RELN: variants seen among roughly 807,000 people sequenced by gnomAD.
RELN encodes reelin.
Under a neutral mutation model 427.6 loss-of-function variants are expected in RELN, and 108 were observed. The observed-to-expected ratio is 0.25, with a 90% CI of 0.22 to 0.30. The LOEUF (loss-of-function observed/expected upper bound fraction) is 0.30. Ranked by LOEUF, RELN falls within the 10% of genes least tolerant of loss-of-function variation. RELN has a pLI of 1.00. For missense variants in RELN, 3,715 were observed against 4,302.8 expected (o/e 0.86, Z 3.82); for synonymous variants, 1,524 against 1,513.4 (o/e 1.01, Z -0.16).
intron 2 of RELN, among the ~76,000 whole-genome samples, chr7:103,888,331 AG>A (rs1197505262): frequency 6.6e-6 from 1 of 152,066 alleles, no homozygotes; most frequent in Non-Finnish European, 1.5e-5. Context: ...AGGAATCACA[AG>A]AAACTGCTCT....
At chr7:103,611,947 A>G (rs1831969611) in intron 20 of RELN, 144 bp from the exon 21 acceptor site, 1 of 695,646 alleles carries the variant, frequency 1.4e-6, no homozygotes. Context: ...ATTTCGGTCA[A>G]TCTAATAAAT....
intron 3 of RELN, among the ~76,000 whole-genome samples, chr7:103,811,198 C>T (rs1792734773): frequency 6.6e-6 from 1 of 152,176 alleles, no homozygotes; most frequent in Non-Finnish European, 1.5e-5. Context: ...CTCAGTGTTA[C>T]TTTCTAAAAC....
intron 3 of RELN, among the ~76,000 whole-genome samples, chr7:103,795,337 G>C (rs1432174048): frequency 6.6e-6 from 1 of 152,156 alleles, no homozygotes; most frequent in Admixed American, 6.5e-5. Context: ...ACAGCCCTTA[G>C]GCTTGGGCAA....
chr7:103,967,514 AGCT>A (rs1378487649), intron 1 of RELN, among the ~76,000 whole-genome samples: 3 of 152,158 alleles, frequency 2.0e-5, no homozygotes, highest in African/African-American at 7.2e-5. Context: ...GGTTCCAGGC[AGCT>A]TCCCAGCTTG....
intron 8 of RELN, among the ~76,000 whole-genome samples, chr7:103,706,561 A>C (rs1252631221): frequency 6.6e-6 from 1 of 152,196 alleles, no homozygotes; most frequent in African/African-American, 2.4e-5. Flanking sequence ...TACAGAATGG[A>C]GTAGATATAA....
chr7:103,766,763 G>C (rs1423159655), intron 4 of RELN, among the ~76,000 whole-genome samples: 1 of 152,218 alleles, frequency 6.6e-6, no homozygotes, highest in Non-Finnish European at 1.5e-5. Flanking sequence ...CACAGCCACA[G>C]TTTCTACCAC....
intron 5 of RELN, among the ~76,000 whole-genome samples, chr7:103,752,951 T>G (rs143105342): frequency 6.6e-6 from 1 of 152,110 alleles, no homozygotes; most frequent in Non-Finnish European, 1.5e-5. Flanking sequence ...GGGCTGAGGG[T>G]ACTAACAGGT....
intron 58 of RELN, among the ~76,000 whole-genome samples, 155 bp from the exon 59 acceptor site, chr7:103,490,984 T>C (rs545971390): frequency 8.5e-4 from 130 of 152,358 alleles, no homozygotes; most frequent in South Asian, 3.9e-3. Flanking sequence ...TATAAAAAAA[T>C]TAAAATATTT....
At chr7:103,683,492 C>T (rs532838178) in intron 10 of RELN, among the ~76,000 whole-genome samples, 114 of 152,026 alleles carry the variant, frequency 7.5e-4, no homozygotes, top group African/African-American at 2.6e-3. Flanking sequence ...AATGACAGAC[C>T]GCATATACAA....
chr7:103,900,727 A>C (rs1029315869), intron 2 of RELN, among the ~76,000 whole-genome samples: 1 of 152,128 alleles, frequency 6.6e-6, no homozygotes, highest in Non-Finnish European at 1.5e-5. Context: ...ACCTGACACA[A>C]ACAAGCAATG....
chr7:103,515,869 G>A (rs764075166), intron 49 of RELN, among the ~76,000 whole-genome samples: 1 of 152,154 alleles, frequency 6.6e-6, no homozygotes, highest in African/African-American at 2.4e-5. Context: ...CATGAGTGCT[G>A]GCAAGTGACT....
intron 16 of RELN, among the ~76,000 whole-genome samples, chr7:103,646,221 A>G (rs775351906): frequency 2.6e-5 from 4 of 151,818 alleles, no homozygotes; most frequent in Non-Finnish European, 4.4e-5. Flanking sequence ...AACTAGAAAA[A>G]CAAGAATGAA....
Position 103,472,712 on chromosome 7 carries a change from C to T in RELN, c.*100G>A. 1 of 966,710 alleles carries T rather than the reference C, an allele frequency of 1.0e-6. No homozygotes were observed. Among genetic ancestry groups the T allele is most frequent in the South Asian group, 1.4e-5 (1 of 73,488 alleles). 59.9% of individuals were successfully genotyped at this position (966,710 alleles called of 1,614,324 possible). The stretch of plus-strand genomic sequence containing the variant: ...AGGGCTTTCAGGTAATCACCAAGTC[C>T]TTCACAGATATTTCCTGATATCAGA... On this transcript the variant is annotated 3_prime_UTR_variant, in exon 65 of 65. Transcript: ENST00000428762.
intron 5 of RELN, among the ~76,000 whole-genome samples, chr7:103,751,562 G>C (rs577922967): frequency 1.3e-5 from 2 of 152,336 alleles, no homozygotes; most frequent in South Asian, 4.2e-4. Flanking sequence ...CTGTGCATGG[G>C]AGTGATTTAA....
intron 6 of RELN, among the ~76,000 whole-genome samples, chr7:103,742,991 A>G (rs1285977533): frequency 6.6e-6 from 1 of 150,806 alleles, no homozygotes; most frequent in Non-Finnish European, 1.5e-5. Flanking sequence ...TAAAGGAAAA[A>G]ATGTTAAGGG....
intron 2 of RELN, among the ~76,000 whole-genome samples, chr7:103,852,081 T>C (rs933543989): frequency 6.6e-6 from 1 of 152,200 alleles, no homozygotes; most frequent in Non-Finnish European, 1.5e-5. Flanking sequence ...GGAACTTACC[T>C]GATTAATACA....
At chr7:103,523,067 G>A (rs1157620790) in intron 47 of RELN, among the ~76,000 whole-genome samples, 1 of 152,124 alleles carries the variant, frequency 6.6e-6, no homozygotes, top group African/African-American at 2.4e-5. Flanking sequence ...ATTAGTTTTG[G>A]TCAGAACTTA....
In RELN at chr7:103,472,978, G is replaced by T. The variant is rs753474476; in HGVS notation, c.10287-70C>A. On this transcript the variant is annotated intron_variant, in intron 64 of 64. Transcript: ENST00000428762. ...GAGCATGTAAGTCCCATCATTGAAC[G>T]TGCAATCTATTCTAGGTCCTAAGTT... 7 of 1,220,368 alleles carry T rather than the reference G, an allele frequency of 5.7e-6. No homozygotes were observed. In the South Asian group the frequency reaches 8.4e-5, roughly 15 times the overall value. 75.6% of individuals were successfully genotyped at this position (1,220,368 alleles called of 1,614,324 possible).
rs116424851 is a variant in RELN, at chr7:103,876,176, C to T, written c.337+40899G>A. On this transcript the variant is annotated intron_variant, in intron 2 of 64. Coordinates refer to ENST00000428762, the MANE Select transcript of RELN (RefSeq NM_005045.4). ...ATACTTTTTTTAGGAATAACTTGTA[C>T]GGAAAGATGAAAAGAAAGGCATTTT... Among the ~76,000 whole-genome samples, 835 of 152,060 alleles carry T rather than the reference C, an allele frequency of 5.5e-3. 11 individuals are homozygous for T. Among genetic ancestry groups the T allele is most frequent in the African/African-American group, 0.019 (805 of 41,484 alleles).
Sources: allele counts gnomAD v4.1 joint callset (sites outside exome capture counted in the v4.1 genomes callset), GRCh38; gene constraint gnomAD v4.1.1; transcripts MANE v1.5; gene names NCBI Gene and HGNC (gene_info 2026-07-23, HGNC 2026-07-21).